CCDC171: variants seen among roughly 807,000 people sequenced by gnomAD.
CCDC171 encodes the protein coiled-coil domain containing 171.
CCDC171 carries 177 observed loss-of-function variants against 168.2 expected under a neutral mutation model. That is an observed-to-expected ratio of 1.05 (90% confidence interval 0.93 to 1.19). CCDC171 has a LOEUF of 1.19. Ranked by LOEUF, CCDC171 falls within the 50% of genes most tolerant of loss-of-function variation. The probability of loss-of-function intolerance (pLI) is 0.00; values close to 1 mark genes in which losing one functional copy is unlikely to be tolerated. For missense variants in CCDC171, 1,991 were observed against 1,539.0 expected, an observed-to-expected ratio of 1.29 and a Z score of -4.91; for synonymous variants, 687 against 540.8, an observed-to-expected ratio of 1.27 and a Z score of -3.75.
At chr9:15,738,814 T>C (rs1301172809) in intron 16 of CCDC171, among the ~76,000 whole-genome samples, 1 of 152,204 alleles carries the variant, frequency 6.6e-6, no homozygotes, top group Admixed American at 6.6e-5. Flanking sequence ...AATTTTGTTT[T>C]TTTAAATTAT....
chr9:15,648,916 C>G lies in CCDC171; in HGVS notation c.823-8211C>G, dbSNP rs1191101269. Among the ~76,000 whole-genome samples the G allele has an allele frequency of 2.6e-5, 4 of 152,104 alleles. No homozygotes were observed. In the East Asian group the frequency reaches 7.7e-4, roughly 29 times the overall value. On this transcript the variant is annotated intron_variant, in intron 7 of 25. Transcript: ENST00000380701. ...AAACTACTTTGAAGTTCATATGAAA[C>G]CAGAAAAGAGACCGCATTGCCAAGA...
chr9:15,725,096 A>G (rs1275070634), intron 14 of CCDC171, 120 bp downstream of exon 14: 1 of 711,984 alleles, frequency 1.4e-6, no homozygotes, highest in Non-Finnish European at 2.4e-6. Flanking sequence ...GAGTATTTTG[A>G]AATGTTTGTG....
chr9:15,983,503 T>A (rs560707384), intron 3 of CCDC171, among the ~76,000 whole-genome samples: 2,675 of 136,648 alleles, frequency 0.02, 83 homozygotes, highest in African/African-American at 0.076. Flanking sequence ...TGTGTGTGTG[T>A]GTGTGTGTGA....
chr9:15,664,918 C>T (rs552589116), intron 8 of CCDC171, among the ~76,000 whole-genome samples: 122 of 151,988 alleles, frequency 8.0e-4, no homozygotes, highest in Non-Finnish European at 1.4e-3. Flanking sequence ...AGGCTAGTCT[C>T]GAACTCCTGA....
At chr9:15,731,743 A>AT (rs1349763265) in intron 16 of CCDC171, among the ~76,000 whole-genome samples, 4 of 152,040 alleles carry the variant, frequency 2.6e-5, no homozygotes, top group African/African-American at 9.7e-5. Flanking sequence ...GTCATGGGAT[A>AT]TATGTGTGTT....
chr9:15,976,694 A>G (rs1324947149), downstream of CCDC171, among the ~76,000 whole-genome samples: 1 of 151,540 alleles, frequency 6.6e-6, no homozygotes, highest in African/African-American at 2.4e-5. Flanking sequence ...AAATATATTT[A>G]AAAGAAAATG....
At chr9:15,999,398 GGAAA>G (rs1211933552) in intron 3 of CCDC171, among the ~76,000 whole-genome samples, 2 of 144,218 alleles carry the variant, frequency 1.4e-5, no homozygotes, top group Non-Finnish European at 3.0e-5. Context: ...AAGGAAGGAA[GGAAA>G]GAAAGAAAGC....
intron 3 of CCDC171, among the ~76,000 whole-genome samples, chr9:15,574,441 C>G (rs1397863125): frequency 6.6e-5 from 10 of 151,900 alleles, no homozygotes; most frequent in Admixed American, 6.6e-4. Flanking sequence ...CCGCGCCTGG[C>G]CAAATTTTTG....
Position 15,777,776 on chromosome 9 carries a change from G to T in CCDC171, c.2848G>T (p.Val950Leu). ...GAGGCTGGCCCATGGACTTCATAAA[G>T]TAAACACACTGGCCCTGAAATATGG... ...VQRLAHGLHKVNTLALKYGLR... is the reference protein window; with the variant it reads ...VQRLAHGLHKLNTLALKYGLR... The change falls in exon 19 of 26, where the codon GTA (valine) becomes TTA (leucine). Residue 950 changes from valine to leucine, a missense_variant. Physicochemically the swap from Val to Leu is conservative, Grantham distance 32. Coordinates refer to ENST00000380701, the MANE Select transcript of CCDC171 (RefSeq NM_173550.4). The T allele has an allele frequency of 6.2e-7, 1 of 1,613,648 alleles. No homozygotes were observed. Among genetic ancestry groups the T allele is most frequent in the Middle Eastern group, 1.7e-4 (1 of 6,056 alleles).
At chr9:15,953,593 G>T (rs2149231) in intron 25 of CCDC171, among the ~76,000 whole-genome samples, 66,797 of 151,962 alleles carry the variant, frequency 0.44, 15,005 homozygotes, top group African/African-American at 0.5. Flanking sequence ...TTTTGTTGAG[G>T]ATTTTTGGGT....
At chr9:15,909,082 TA>T (rs1254920486) in intron 24 of CCDC171, among the ~76,000 whole-genome samples, 4 of 152,178 alleles carry the variant, frequency 2.6e-5, no homozygotes, top group Non-Finnish European at 2.9e-5. Context: ...CACAGAGTTA[TA>T]TAAGTCTTTA....
chr9:15,823,656 A>G (rs2059891788), intron 21 of CCDC171, among the ~76,000 whole-genome samples: 1 of 152,112 alleles, frequency 6.6e-6, no homozygotes, highest in African/African-American at 2.4e-5. Flanking sequence ...AGAAAAGCCA[A>G]ATATATTTGT....
At chr9:16,003,270 T>G (rs377540529) in intron 3 of CCDC171, among the ~76,000 whole-genome samples, 2 of 152,338 alleles carry the variant, frequency 1.3e-5, no homozygotes, top group South Asian at 2.1e-4. Context: ...TTGAAGGTGA[T>G]GGGACTAGAT....
chr9:15,922,189 C>G, intron 25 of CCDC171: 1 of 398,764 alleles, frequency 2.5e-6, no homozygotes, highest in Middle Eastern at 3.5e-4. Flanking sequence ...AACATTCCCC[C>G]AGGTGATTCT....
chr9:16,093,862 T>C, the CCDC171 span, among the ~76,000 whole-genome samples: 3 of 152,160 alleles, frequency 2.0e-5, no homozygotes, highest in African/African-American at 7.2e-5. Context: ...TATCCTGTGT[T>C]CCTATAGTAA....
At chr9:15,592,928 T>C (rs1460988469) in intron 5 of CCDC171, among the ~76,000 whole-genome samples, 3 of 152,106 alleles carry the variant, frequency 2.0e-5, no homozygotes, top group Non-Finnish European at 4.4e-5. Flanking sequence ...AATGTGCAGG[T>C]TAGTTACATA....
intron 12 of CCDC171, among the ~76,000 whole-genome samples, chr9:15,722,935 G>A (rs1178263487): frequency 1.3e-5 from 2 of 152,134 alleles, no homozygotes; most frequent in African/African-American, 4.8e-5. Flanking sequence ...GGAAGCTGCA[G>A]GGTAACTAGG....
intron 7 of CCDC171, among the ~76,000 whole-genome samples, chr9:15,654,949 G>T (rs537909983): frequency 3.3e-5 from 5 of 152,080 alleles, no homozygotes; most frequent in African/African-American, 7.2e-5. Context: ...ACCAAACACC[G>T]CCTGTTCTCA....
chr9:15,977,680 A>G (rs117033452), downstream of CCDC171, among the ~76,000 whole-genome samples: 253 of 152,334 alleles, frequency 1.7e-3, no homozygotes, highest in Non-Finnish European at 2.9e-3. Context: ...GAGTCCTCCC[A>G]GTGAAGCGGC....
Sources: allele counts gnomAD v4.1 joint callset (sites outside exome capture counted in the v4.1 genomes callset), GRCh38; gene constraint gnomAD v4.1.1; transcripts MANE v1.5; gene names NCBI Gene and HGNC (gene_info 2026-07-23, HGNC 2026-07-21).